Variants in KLHL29 observed in about 807,000 individuals in gnomAD.
KLHL29 encodes kelch like family member 29.
In KLHL29, 21 loss-of-function variants were observed where a neutral mutation model predicts 80.4. The ratio of observed to expected loss-of-function variants is 0.26; its 90% confidence interval spans 0.19 to 0.38. KLHL29 has a LOEUF of 0.38. KLHL29 is among the 10% of genes least tolerant of loss of function. The pLI is 1.00. For synonymous variants in KLHL29, 511 were observed against 526.8 expected, an observed-to-expected ratio of 0.97 and a Z score of 0.41; for missense variants, 867 against 1,223.9, an observed-to-expected ratio of 0.71 and a Z score of 4.35.
chr2:23,451,488 G>GT (rs1345119222), intron 1 of KLHL29, among the ~76,000 whole-genome samples: 1 of 152,222 alleles, frequency 6.6e-6, no homozygotes, highest in African/African-American at 2.4e-5. Context: ...CTGGGAAGCT[G>GT]TGCATGCGCC....
intron 3 of KLHL29, among the ~76,000 whole-genome samples, chr2:23,584,691 G>C (rs1668073522): frequency 6.6e-6 from 1 of 152,164 alleles, no homozygotes; most frequent in Non-Finnish European, 1.5e-5. Flanking sequence ...AAGAGGCCCA[G>C]CACTTTGTCT....
chr2:23,680,917 C>G lies in KLHL29; in HGVS notation c.941-3482C>G, dbSNP rs2149187086. ...TCTGAAGACCCAGCCCCGAGGCCTG[C>G]AAATCTCCCACACCTGAGAATAGGC... On this transcript the variant is annotated intron_variant, in intron 5 of 13. Transcript: ENST00000486442. The surrounding 1 kb of genome is among the most constrained non-coding windows in gnomAD (Gnocchi z 4.1). 6.6e-6 allele frequency among the ~76,000 whole-genome samples: 1 copy of G among 152,332 alleles called. No individual in the cohort carries two copies. Among genetic ancestry groups the G allele is most frequent in the Admixed American group, 6.5e-5 (1 of 15,306 alleles).
chr2:23,655,150 C>T (rs111985760), intron 5 of KLHL29, among the ~76,000 whole-genome samples: 122 of 152,258 alleles, frequency 8.0e-4, no homozygotes, highest in African/African-American at 2.6e-3. Flanking sequence ...GGCATTGGGC[C>T]ATTTGAGGAA....
intron 1 of KLHL29, among the ~76,000 whole-genome samples, chr2:23,409,118 G>A (rs774400587): frequency 5.3e-5 from 8 of 152,160 alleles, no homozygotes; most frequent in Non-Finnish European, 8.8e-5. Context: ...CCAGACAAAC[G>A]TGAGTATGAA....
chr2:23,423,885 G>A (rs1051011648), intron 1 of KLHL29, among the ~76,000 whole-genome samples: 4 of 152,282 alleles, frequency 2.6e-5, no homozygotes, highest in Admixed American at 1.3e-4. Flanking sequence ...CCCTGAAGAC[G>A]AGCAGGGAGC....
chr2:23,510,571 T>A (rs934368), intron 2 of KLHL29, among the ~76,000 whole-genome samples: 1 of 151,920 alleles, frequency 6.6e-6, no homozygotes, highest in Non-Finnish European at 1.5e-5. Context: ...GCCCACAGGG[T>A]CCCCCGATTG....
At chr2:23,589,285 A>C (rs1249326360) in intron 3 of KLHL29, among the ~76,000 whole-genome samples, 1 of 152,206 alleles carries the variant, frequency 6.6e-6, no homozygotes, top group African/African-American at 2.4e-5. Flanking sequence ...TTTGTTTTGC[A>C]AGGAAGCTGT....
chr2:23,517,616 T>G (rs901292257), intron 2 of KLHL29, among the ~76,000 whole-genome samples: 1 of 7,292 alleles, frequency 1.4e-4, no homozygotes, highest in African/African-American at 1.5e-3. Flanking sequence ...TTTTCCCATC[T>G]TTTTAACATG....
intron 2 of KLHL29, among the ~76,000 whole-genome samples, chr2:23,485,871 C>G (rs1219537799): frequency 1.3e-5 from 2 of 152,202 alleles, no homozygotes; most frequent in Non-Finnish European, 2.9e-5. Context: ...AATGAGTTAA[C>G]ATAATAAAGT....
chr2:23,643,076 G>A (rs759072458), intron 5 of KLHL29: 24 of 685,330 alleles, frequency 3.5e-5, no homozygotes, highest in Admixed American at 6.1e-5. Context: ...AAAATGCGCC[G>A]GGGTAAGAAG....
chr2:23,665,541 T>A (rs556359936), intron 5 of KLHL29, among the ~76,000 whole-genome samples: 1 of 152,328 alleles, frequency 6.6e-6, no homozygotes, highest in East Asian at 1.9e-4. Flanking sequence ...CATTTTGCAT[T>A]GCTCTAAAGG....
chr2:23,385,478 A>G lies in KLHL29; in HGVS notation c.-456A>G, dbSNP rs1666149545. ...CCGCCGCCGCCGCCGCCTCGATGAGAGCCGCGCCGCACCGCTCATAGCCGC... is the reference window on the plus strand; with the variant it reads ...CCGCCGCCGCCGCCGCCTCGATGAGGGCCGCGCCGCACCGCTCATAGCCGC... On this transcript the variant is annotated 5_prime_UTR_variant, in exon 1 of 14. Coordinates refer to ENST00000486442, the MANE Select transcript of KLHL29 (RefSeq NM_052920.2). 1 of 171,270 alleles carries G rather than the reference A, an allele frequency of 5.8e-6. No homozygotes were observed. Among genetic ancestry groups the G allele is most frequent in the Non-Finnish European group, 1.3e-5 (1 of 74,144 alleles). 10.6% of individuals were successfully genotyped at this position (171,270 alleles called of 1,614,324 possible). A position where few individuals can be genotyped will look rare whatever the true frequency, so the allele number is the denominator to read the frequency against.
chr2:23,646,563 C>T (rs1231020646), intron 5 of KLHL29, among the ~76,000 whole-genome samples: 1 of 152,190 alleles, frequency 6.6e-6, no homozygotes, highest in East Asian at 1.9e-4. Flanking sequence ...TCATATTTTG[C>T]AGGGGCCTAG....
chr2:23,451,896 G>C (rs1438229464), intron 1 of KLHL29, among the ~76,000 whole-genome samples: 3 of 152,186 alleles, frequency 2.0e-5, no homozygotes, highest in Admixed American at 6.5e-5. Context: ...AGGAAGCATG[G>C]CACTGGCATC....
intron 3 of KLHL29, among the ~76,000 whole-genome samples, chr2:23,621,341 G>A (rs1373385829): frequency 6.6e-6 from 1 of 152,230 alleles, no homozygotes; most frequent in Non-Finnish European, 1.5e-5. Flanking sequence ...GCCTAGCAGG[G>A]AGAAGCCTCT....
chr2:23,407,145 T>C (rs758510720), intron 1 of KLHL29, among the ~76,000 whole-genome samples: 8 of 152,236 alleles, frequency 5.3e-5, no homozygotes, highest in Non-Finnish European at 1.0e-4. Flanking sequence ...CTTTTTGCCA[T>C]TTAGATAATT....
At chr2:23,529,793 G>T (rs534510055) in intron 2 of KLHL29, among the ~76,000 whole-genome samples, 1 of 152,128 alleles carries the variant, frequency 6.6e-6, no homozygotes, top group African/African-American at 2.4e-5. Context: ...GGCTGAGCCC[G>T]CCACCCGTCC....
intron 1 of KLHL29, among the ~76,000 whole-genome samples, chr2:23,405,834 A>C (rs7564609): frequency 0.26 from 40,018 of 152,136 alleles, 5,454 homozygotes; most frequent in South Asian, 0.31. Context: ...TGGGCTGGGC[A>C]AATCCAGGAA....
At chr2:23,422,312 G>A (rs182463669) in intron 1 of KLHL29, among the ~76,000 whole-genome samples, 46 of 151,102 alleles carry the variant, frequency 3.0e-4, no homozygotes, top group Non-Finnish European at 6.4e-4. Flanking sequence ...GTTTCCTTAT[G>A]TGTGTACATG....
Sources: gnomAD v4.1 joint callset for allele counts (sites outside exome capture counted in the v4.1 genomes callset) on GRCh38, gnomAD v4.1.1 for gene constraint, Gnocchi (gnomAD v3.1) non-coding constraint, MANE v1.5 for transcripts, NCBI Gene and HGNC (gene_info 2026-07-23, HGNC 2026-07-21) for gene names.